BAAT: variants seen among roughly 807,000 people sequenced by gnomAD.
The protein encoded by BAAT is bile acid-CoA:amino acid N-acyltransferase, also known as bile acid CoA: amino acid N-acyltransferase (glycine N-choloyltransferase).
BAAT carries 13 observed loss-of-function variants against 18.9 expected under a neutral mutation model. The observed-to-expected ratio is 0.69, with a 90% CI of 0.45 to 1.10. BAAT has a LOEUF of 1.10. BAAT is among the 50% of genes least tolerant of loss of function. The pLI is 0.00. For synonymous variants in BAAT, 170 were observed against 190.7 expected (o/e 0.89, Z 0.89); for missense variants, 489 against 504.0 (o/e 0.97, Z 0.28).
intron 1 of BAAT, among the ~76,000 whole-genome samples, chr9:101,372,934 T>C (rs1030408265): frequency 6.6e-6 from 1 of 152,156 alleles, no homozygotes; most frequent in Non-Finnish European, 1.5e-5. Context: ...CTGCCAACTT[T>C]CCGTAGAGCT....
intron 1 of BAAT, among the ~76,000 whole-genome samples, chr9:101,373,822 G>C (rs868793760): frequency 6.6e-6 from 1 of 151,980 alleles, no homozygotes; most frequent in African/African-American, 2.4e-5. Context: ...TCGGGGGTAG[G>C]GGCGAAGCCC....
intron 1 of BAAT, among the ~76,000 whole-genome samples, chr9:101,381,250 G>A (rs539436624): frequency 1.3e-5 from 2 of 152,004 alleles, no homozygotes; most frequent in Non-Finnish European, 1.5e-5. Context: ...GGCCAGGCGT[G>A]GTGACTCATG....
intron 1 of BAAT, among the ~76,000 whole-genome samples, chr9:101,377,757 C>T (rs962039298): frequency 6.6e-6 from 1 of 152,048 alleles, no homozygotes; most frequent in Non-Finnish European, 1.5e-5. Flanking sequence ...CTAGCCAGGG[C>T]AATAAGGCAA....
chr9:101,366,756 G>A (rs868113324), intron 3 of BAAT, among the ~76,000 whole-genome samples: 1 of 150,642 alleles, frequency 6.6e-6, no homozygotes, highest in South Asian at 2.2e-4. Flanking sequence ...TAGATTGTCA[G>A]TAATTGTTGC....
chr9:101,362,591 T>C lies in BAAT; in HGVS notation c.1094A>G (p.Glu365Gly). 1 of 1,614,122 alleles carries C rather than the reference T, an allele frequency of 6.2e-7. No homozygotes were observed. The change falls in exon 4 of 4, where the codon GAA becomes GGA. Residue 365 changes from glutamate to glycine, a missense_variant. Glu to Gly is a moderately conservative substitution (Grantham distance 98). Transcript: ENST00000259407. The part of the protein sequence containing the change: ...LSYPGAGHLI[E>G]PPYSPLCCAS... The stretch of plus-strand genomic sequence containing the variant: ...ACAGCACAGAGGAGAATAGGGAGGT[T>C]CTATCAGGTGGCCTGCCCCAGGGTA...
chr9:101,382,765 A>G lies in BAAT; in HGVS notation c.-60+2090T>C, dbSNP rs1452195754. 4.6e-5 allele frequency among the ~76,000 whole-genome samples: 7 copies of G among 152,256 alleles called. No homozygotes were observed. The East Asian group carries it at 1.3e-3, about 29-fold the overall frequency. ...ACTCAGATATTCACCACCCCTAACA[A>G]TATTATCCATTCAATTTATTTCTAT... On this transcript the variant is annotated intron_variant, in intron 1 of 3. Transcript: ENST00000259407.
intron 1 of BAAT, among the ~76,000 whole-genome samples, chr9:101,379,997 T>G (rs1021232571): frequency 2.0e-5 from 3 of 152,178 alleles, no homozygotes; most frequent in Non-Finnish European, 4.4e-5. Context: ...GCCTGATCTG[T>G]TTCCCATTGC....
rs1829701097 is a variant in BAAT, at chr9:101,360,550, G to GAGA, written c.*1877_*1878insTCT. 1 of 152,268 alleles carries GAGA rather than the reference G, an allele frequency of 6.6e-6. No homozygotes were observed. The highest frequency in any genetic ancestry group is 1.5e-5 in the Non-Finnish European group (1 of 68,122). 9.4% of individuals were successfully genotyped at this position (152,268 alleles called of 1,614,324 possible). On this transcript the variant is annotated 3_prime_UTR_variant, in exon 4 of 4. Coordinates refer to ENST00000259407, the MANE Select transcript of BAAT (RefSeq NM_001701.4). ...CATGGCAGCAGGTGAACAGCGAGGA[G>GAGA]GCATCTCACATGGCGAGAGAGGAGG...
intron 3 of BAAT, among the ~76,000 whole-genome samples, chr9:101,367,053 A>G (rs1829840640): frequency 6.9e-6 from 1 of 145,580 alleles, no homozygotes; most frequent in Non-Finnish European, 1.5e-5. Flanking sequence ...TGGAGGTTGC[A>G]GTGAGCTGAG....
Position 101,368,285 on chromosome 9 carries a change from A to G in BAAT, c.504T>C (p.Gly168=), listed in dbSNP as rs749456828. The part of the protein sequence containing the change: ...GLFPGVIDLF[G]GLGGLLEFRA... ...GAAATTCAAGCAGCCCACCCAAACCACCAAACAAATCAATTACCCCTGGGA... is the reference window on the plus strand; with the variant it reads ...GAAATTCAAGCAGCCCACCCAAACCGCCAAACAAATCAATTACCCCTGGGA... The change falls in exon 3 of 4, where the codon GGT becomes GGC. Residue 168 remains glycine (G), a synonymous_variant. Transcript: ENST00000259407. 8.7e-6 allele frequency: 14 copies of G among 1,613,242 alleles called. No homozygotes were observed. In the South Asian group the frequency reaches 1.5e-4, roughly 18 times the overall value.
chr9:101,369,403 G>A (rs986142823), intron 2 of BAAT, among the ~76,000 whole-genome samples: 9 of 152,304 alleles, frequency 5.9e-5, no homozygotes, highest in African/African-American at 2.2e-4. Flanking sequence ...TAAAAGTACT[G>A]AGTCTTTTAT....
chr9:101,380,444 C>T (rs971081899), intron 1 of BAAT, among the ~76,000 whole-genome samples: 8 of 152,112 alleles, frequency 5.3e-5, no homozygotes, highest in Admixed American at 5.2e-4. Flanking sequence ...TCTCTTTGTT[C>T]AGTGTCTCAG....
chr9:101,367,108 C>CAAAAAAAA (rs1310860267), intron 3 of BAAT, among the ~76,000 whole-genome samples: 1 of 39,330 alleles, frequency 2.5e-5, no homozygotes, highest in African/African-American at 1.0e-4. Context: ...GAGACTCTGT[C>CAAAAAAAA]AAAAAAAGAA....
At chr9:101,379,945 C>T (rs943441965) in intron 1 of BAAT, among the ~76,000 whole-genome samples, 1 of 152,190 alleles carries the variant, frequency 6.6e-6, no homozygotes, top group African/African-American at 2.4e-5. Flanking sequence ...AGAGATGATT[C>T]AAGAAAGCCT....
Position 101,371,096 on chromosome 9 carries a change from G to T in BAAT, c.309C>A (p.Val103=). The T allele has an allele frequency of 5.6e-6, 9 of 1,614,004 alleles. No individual in the cohort carries two copies. Among genetic ancestry groups the T allele is most frequent in the Non-Finnish European group, 7.6e-6 (9 of 1,179,968 alleles). Residue 103 remains valine (V), a synonymous_variant, in exon 2 of 4, where the codon GTC becomes GTA. Coordinates refer to ENST00000259407, the MANE Select transcript of BAAT (RefSeq NM_001701.4). ...KRDVMNRPFQ[V]QVKLYDLELI... ...ACTCTAAGTCATAAAGTTTTACTTG[G>T]ACCTGGAAAGGCCTATTCATCACAT...
In BAAT at chr9:101,360,964, A is replaced by T; in HGVS notation, c.*1464T>A. 1 of 165,054 alleles carries T rather than the reference A, an allele frequency of 6.1e-6. No individual in the cohort carries two copies. The highest frequency in any genetic ancestry group is 1.8e-4 in the South Asian group (1 of 5,466). The allele number at this position is 165,054 out of a possible 1,614,324, so 10.2% of individuals were successfully genotyped here. A position where few individuals can be genotyped will look rare whatever the true frequency, so the allele number is the denominator to read the frequency against. On this transcript the variant is annotated 3_prime_UTR_variant, in exon 4 of 4. Transcript: ENST00000259407. ...CATTTCTTGGTGCACAAGAAGGATA[A>T]AAATGCAAATGTATGGTATGTAAGA...
At chr9:101,363,187 C>T (rs924099978) in intron 3 of BAAT, among the ~76,000 whole-genome samples, 172 bp from the exon 4 acceptor site, 1 of 152,142 alleles carries the variant, frequency 6.6e-6, no homozygotes, top group Non-Finnish European at 1.5e-5. Flanking sequence ...AAAAGAAATA[C>T]TCCAAAAATA....
chr9:101,380,169 A>G (rs1830109946), intron 1 of BAAT, among the ~76,000 whole-genome samples: 1 of 152,160 alleles, frequency 6.6e-6, no homozygotes, highest in South Asian at 2.1e-4. Context: ...GCCAGTTGAC[A>G]TCTGATTAAT....
chr9:101,372,623 G>GT (rs5899439), intron 1 of BAAT, among the ~76,000 whole-genome samples: 110,048 of 134,192 alleles, frequency 0.82, 45,775 homozygotes, highest in Non-Finnish European at 0.9. Flanking sequence ...GGGGTTGTTG[G>GT]TTTTTTTTTT....
Sources: gnomAD v4.1 joint callset for allele counts (sites outside exome capture counted in the v4.1 genomes callset) on GRCh38, gnomAD v4.1.1 for gene constraint, MANE v1.5 for transcripts, NCBI Gene and HGNC (gene_info 2026-07-23, HGNC 2026-07-21) for gene names.